The following ADAMTS2 variants were observed in gnomAD, a reference collection of about 807,000 sequenced individuals.
ADAMTS2 encodes the protein ADAM metallopeptidase with thrombospondin type 1 motif 2.
Under a neutral mutation model 123.0 loss-of-function variants are expected in ADAMTS2, and 50 were observed. That is an observed-to-expected ratio of 0.41 (90% confidence interval 0.32 to 0.51). The LOEUF (loss-of-function observed/expected upper bound fraction) is 0.51. Among genes scored for constraint, ADAMTS2 ranks in the 20% least tolerant of loss-of-function variants. ADAMTS2 has a pLI of 0.35. For missense variants in ADAMTS2, 1,494 were observed against 1,705.2 expected (o/e 0.88, Z 2.18); for synonymous variants, 678 against 695.4 (o/e 0.98, Z 0.39).
At position 179,234,940 on chromosome 5, in the gene ADAMTS2, G is replaced by A. The variant is rs1765490721; in HGVS notation, c.689-27225C>T. Among the ~76,000 whole-genome samples, 1 of 152,162 alleles carries A rather than the reference G, an allele frequency of 6.6e-6. No individual in the cohort carries two copies. The highest frequency in any genetic ancestry group is 1.5e-5 in the Non-Finnish European group (1 of 68,030). On this transcript the variant is annotated intron_variant, in intron 3 of 21. Transcript: ENST00000251582. This position sits in a 1 kb window ranked among gnomAD's most constrained non-coding sequence, Gnocchi z 4.7. The stretch of plus-strand genomic sequence containing the variant: ...CACACTGGCTAGGGCCTCCTGATGG[G>A]CCTGACCTGCCTGCCAACCCTCCCA...
Position 179,225,079 on chromosome 5 carries a change from T to C in ADAMTS2, c.689-17364A>G, listed in dbSNP as rs1765249133. Among the ~76,000 whole-genome samples the C allele has an allele frequency of 6.6e-6, 1 of 152,158 alleles. No individual in the cohort carries two copies. The highest frequency in any genetic ancestry group is 2.1e-4 in the South Asian group (1 of 4,830). ...AGGACAGCTCCTGATGGATGTGTTT[T>C]ATGGTGGAATCCTCACGCAGGGGCC... On this transcript the variant is annotated intron_variant, in intron 3 of 21. Transcript: ENST00000251582. The surrounding 1 kb of genome is among the most constrained non-coding windows in gnomAD (Gnocchi z 4.5).
chr5:179,206,627 C>A (rs968529784), intron 4 of ADAMTS2, among the ~76,000 whole-genome samples: 1 of 152,220 alleles, frequency 6.6e-6, no homozygotes, highest in Non-Finnish European at 1.5e-5. Flanking sequence ...CTCCTTCTCA[C>A]CCCCTTCTTT....
At chr5:179,221,533 G>A (rs1195222031) in intron 3 of ADAMTS2, among the ~76,000 whole-genome samples, 7 of 152,124 alleles carry the variant, frequency 4.6e-5, no homozygotes, top group South Asian at 4.1e-4. Context: ...GGACAACCCC[G>A]GGGACCACCC....
chr5:179,163,698 C>G (rs561303461), intron 5 of ADAMTS2, among the ~76,000 whole-genome samples: 9 of 152,306 alleles, frequency 5.9e-5, no homozygotes, highest in Admixed American at 2.6e-4. Flanking sequence ...CCCGTCTTAG[C>G]AGCCAAAGTG....
chr5:179,248,615 AC>A (rs1765855166), intron 3 of ADAMTS2, among the ~76,000 whole-genome samples: 1 of 152,166 alleles, frequency 6.6e-6, no homozygotes, highest in Non-Finnish European at 1.5e-5. Flanking sequence ...GACAAGATAG[AC>A]TTCAAGTCCA....
In ADAMTS2 at chr5:179,158,679, T is replaced by C. The variant is rs545420145; in HGVS notation, c.1132+44A>G. ...GGCCCCTTGCATGGCCAGGGGCTCA[T>C]TTCCAGCTTCACGCCTCTGTGGCCC... On this transcript the variant is annotated intron_variant, in intron 6 of 21. Transcript: ENST00000251582. This position sits in a 1 kb window ranked among gnomAD's most constrained non-coding sequence, Gnocchi z 5.0. The C allele has an allele frequency of 1.9e-6, 3 of 1,613,436 alleles. No individual in the cohort carries two copies. The highest frequency in any genetic ancestry group is 1.6e-4 in the Middle Eastern group (1 of 6,068).
chr5:179,345,286 C>T lies in ADAMTS2; in HGVS notation c.43G>A (p.Ala15Thr). The change falls in exon 1 of 22, where the codon GCG (alanine) becomes ACG (threonine). Residue 15 changes from alanine to threonine, a missense_variant. By Grantham distance (58) the Ala-to-Thr change is moderately conservative. Transcript: ENST00000251582. This position sits in a 1 kb window ranked among gnomAD's most constrained non-coding sequence, Gnocchi z 7.5. ...AGCAGCAGCAGCAGCAGCAGCAGCG[C>T]GGGGCAGAGCAGGCGGCGAGCGGCT... Reference protein sequence around the residue: ...AGAARRLLCPALLLLLLLLPP... With the variant: ...AGAARRLLCPTLLLLLLLLPP... The T allele has an allele frequency of 2.7e-6, 3 of 1,130,460 alleles. No homozygotes were observed. The highest frequency in any genetic ancestry group is 2.2e-6 in the Non-Finnish European group (2 of 925,434). 70.0% of individuals were successfully genotyped at this position (1,130,460 alleles called of 1,614,324 possible).
intron 3 of ADAMTS2, among the ~76,000 whole-genome samples, chr5:179,267,139 C>G (rs568412714): frequency 6.6e-6 from 1 of 152,192 alleles, no homozygotes; most frequent in South Asian, 2.1e-4. Context: ...GCCCACTCTT[C>G]CCCCAGGATC....
At chr5:179,269,305 A>G (rs566558383) in intron 3 of ADAMTS2, among the ~76,000 whole-genome samples, 1 of 152,300 alleles carries the variant, frequency 6.6e-6, no homozygotes, top group African/African-American at 2.4e-5. Context: ...AGGCATTTGT[A>G]TTAGTCCGTT....
At chr5:179,127,929 C>T (rs1465588038) in intron 17 of ADAMTS2, 30 bp downstream of exon 17, 1 of 1,612,650 alleles carries the variant, frequency 6.2e-7, no homozygotes, top group Admixed American at 1.7e-5. Flanking sequence ...CCTCATGTCA[C>T]CCAGGTCCCC....
chr5:179,320,788 C>T (rs1157459550), intron 2 of ADAMTS2, among the ~76,000 whole-genome samples: 3 of 152,194 alleles, frequency 2.0e-5, no homozygotes. Flanking sequence ...CAAGGTATTC[C>T]ATGAAGTTAA....
intron 4 of ADAMTS2, among the ~76,000 whole-genome samples, chr5:179,201,716 C>T (rs1280695417): frequency 1.3e-5 from 2 of 150,846 alleles, no homozygotes; most frequent in South Asian, 2.1e-4. Flanking sequence ...GCAGGAGAAT[C>T]GTTTGAACTC....
intron 19 of ADAMTS2, among the ~76,000 whole-genome samples, chr5:179,124,640 G>C (rs1581138376): frequency 6.6e-6 from 1 of 152,368 alleles, no homozygotes; most frequent in East Asian, 1.9e-4. Context: ...GAAACCCACA[G>C]GATGTGGCTC....
At chr5:179,176,303 T>A (rs1267377126) in intron 5 of ADAMTS2, among the ~76,000 whole-genome samples, 1 of 152,080 alleles carries the variant, frequency 6.6e-6, no homozygotes, top group African/African-American at 2.4e-5. Context: ...GAGGCCTCTC[T>A]CCCAGGCTCC....
In ADAMTS2 at chr5:179,141,812, G is replaced by C. The variant is rs1763177129; in HGVS notation, c.1630-1777C>G. On this transcript the variant is annotated intron_variant, in intron 10 of 21. Transcript: ENST00000251582. ...CTCTCTCTGGTGGGATGGCCAAGAGGCCTGGGGCCCCCTTCCCCCACCCAG... is the reference window on the plus strand; with the variant it reads ...CTCTCTCTGGTGGGATGGCCAAGAGCCCTGGGGCCCCCTTCCCCCACCCAG... Among the ~76,000 whole-genome samples, 3 of 152,310 alleles carry C rather than the reference G, an allele frequency of 2.0e-5. No homozygotes were observed. The South Asian group carries it at 6.2e-4, about 32-fold the overall frequency.
chr5:179,245,789 A>ACAAAAC (rs869304631), intron 3 of ADAMTS2, among the ~76,000 whole-genome samples: 1 of 132,176 alleles, frequency 7.6e-6, no homozygotes, highest in Non-Finnish European at 1.6e-5. Flanking sequence ...AAAAAAAAAA[A>ACAAAAC]AAAAAACAAA....
At chr5:179,259,668 C>T (rs538871028) in intron 3 of ADAMTS2, among the ~76,000 whole-genome samples, 6 of 152,364 alleles carry the variant, frequency 3.9e-5, no homozygotes, top group South Asian at 2.1e-4. Context: ...CCGGGTCTGT[C>T]GTTCCAGCAT....
rs976935962 is a variant in ADAMTS2, at chr5:179,307,317, C to T, written c.535-34253G>A. Among the ~76,000 whole-genome samples, 7 of 152,184 alleles carry T rather than the reference C, an allele frequency of 4.6e-5. No individual in the cohort carries two copies. Among genetic ancestry groups the T allele is most frequent in the African/African-American group, 1.4e-4 (6 of 41,442 alleles). On this transcript the variant is annotated intron_variant, in intron 2 of 21. Transcript: ENST00000251582. The surrounding 1 kb of genome is among the most constrained non-coding windows in gnomAD (Gnocchi z 5.6). ...TGGGGCCCACAGGAGGTCCACCGGCCCTCTCAGGGCTCGAGCACCCGGCCA... is the reference window on the plus strand; with the variant it reads ...TGGGGCCCACAGGAGGTCCACCGGCTCTCTCAGGGCTCGAGCACCCGGCCA...
chr5:179,195,283 C>G (rs150757723), intron 4 of ADAMTS2, among the ~76,000 whole-genome samples: 1 of 152,168 alleles, frequency 6.6e-6, no homozygotes, highest in African/African-American at 2.4e-5. Flanking sequence ...TGGTGTTCAA[C>G]TCGAGTGGTG....
Sources: gnomAD v4.1 joint callset for allele counts (sites outside exome capture counted in the v4.1 genomes callset) on GRCh38, gnomAD v4.1.1 for gene constraint, Gnocchi (gnomAD v3.1) non-coding constraint, MANE v1.5 for transcripts, NCBI Gene and HGNC (gene_info 2026-07-23, HGNC 2026-07-21) for gene names.